The following PTPRN2 variants were observed in gnomAD, a reference collection of about 807,000 sequenced individuals.
The protein encoded by PTPRN2 is receptor-type tyrosine-protein phosphatase N2.
A neutral mutation model predicts 118.8 loss-of-function variants in PTPRN2; 74 were observed. The observed-to-expected ratio is 0.62, with a 90% confidence interval of 0.52 to 0.76. The LOEUF (loss-of-function observed/expected upper bound fraction) is 0.76. PTPRN2 is among the 30% of genes least tolerant of loss of function. The probability of loss-of-function intolerance (pLI) is 0.00; values close to 1 mark genes in which losing one functional copy is unlikely to be tolerated. For missense variants in PTPRN2, 1,481 were observed against 1,394.4 expected, an observed-to-expected ratio of 1.06 and a Z score of -0.99; for synonymous variants, 641 against 608.0, an observed-to-expected ratio of 1.05 and a Z score of -0.80.
rs192703150 is a variant in PTPRN2 at position 157,653,370 on chromosome 7, C to T, written c.2196+2987G>A. Among the ~76,000 whole-genome samples, 11 of 152,242 alleles carry T rather than the reference C, an allele frequency of 7.2e-5. No individual in the cohort carries two copies. The South Asian group carries it at 1.7e-3, about 23-fold the overall frequency. On this transcript the variant is annotated intron_variant, in intron 14 of 22. Coordinates refer to ENST00000389418, the MANE Select transcript of PTPRN2 (RefSeq NM_002847.5). ...GGTGTCTGGCGGAAACGAGGCTTTG[C>T]GCACAGAGGGCTGGGCTGCTGGATC...
At chr7:157,646,230 A>T (rs1025264043) in intron 14 of PTPRN2, among the ~76,000 whole-genome samples, 21 of 152,132 alleles carry the variant, frequency 1.4e-4, no homozygotes, top group African/African-American at 4.1e-4. Flanking sequence ...GCCTGGTGGG[A>T]AGTGGCTGGG....
At chr7:158,131,128 GCACATACA>G (rs201533260) in intron 9 of PTPRN2, among the ~76,000 whole-genome samples, 64 of 104,348 alleles carry the variant, frequency 6.1e-4, no homozygotes, top group African/African-American at 2.8e-3. Flanking sequence ...ACACTCATAC[GCACATACA>G]CACATACACA....
chr7:158,238,308 C>T (rs907386970), intron 3 of PTPRN2, among the ~76,000 whole-genome samples: 2 of 152,038 alleles, frequency 1.3e-5, no homozygotes, highest in Non-Finnish European at 2.9e-5. Context: ...AACCGTCCTC[C>T]CCTCCCTCCT....
intron 11 of PTPRN2, among the ~76,000 whole-genome samples, chr7:158,010,192 G>A (rs559488418): frequency 6.6e-6 from 1 of 152,182 alleles, no homozygotes; most frequent in South Asian, 2.1e-4. Context: ...CGGGAGGACG[G>A]AGTTCATTTT....
At position 158,138,487 on chromosome 7, in the gene PTPRN2, G is replaced by T. The variant is rs758349268; in HGVS notation, c.939C>A (p.Asp313Glu). Residue 313 changes from aspartate to glutamate, a missense_variant, in exon 7 of 23, where the codon GAC becomes GAA. Asp to Glu is a conservative substitution (Grantham distance 45, BLOSUM62 2). Around this residue, in one of 3 missense-constraint regions of PTPRN2, gnomAD observed 1,115 missense variants for 994.2 expected, o/e 1.12. Coordinates refer to ENST00000389418, the MANE Select transcript of PTPRN2 (RefSeq NM_002847.5). The part of the protein sequence containing the change: ...DGARIHTLLK[D>E]LQRQPAEVRG... Reference sequence around the variant, plus strand: ...TCACCTCAGCCGGCTGCCTCTGCAGGTCCTTCAGGAGGGTATGAATCCGTG... The same window carrying T: ...TCACCTCAGCCGGCTGCCTCTGCAGTTCCTTCAGGAGGGTATGAATCCGTG... 5 of 1,612,706 alleles carry T rather than the reference G, an allele frequency of 3.1e-6. No individual in the cohort carries two copies. In the South Asian group the frequency reaches 3.3e-5, roughly 11 times the overall value.
chr7:157,952,741 C>T (rs1402668839), intron 11 of PTPRN2, among the ~76,000 whole-genome samples: 7 of 152,094 alleles, frequency 4.6e-5, no homozygotes, highest in East Asian at 3.9e-4. Flanking sequence ...GGTAGGTGTG[C>T]ACAGGCCTGC....
chr7:157,927,065 C>T lies in PTPRN2; in HGVS notation c.1724-28328G>A, dbSNP rs867496662. On this transcript the variant is annotated intron_variant, in intron 11 of 22. Transcript: ENST00000389418. The stretch of plus-strand genomic sequence containing the variant: ...GGGACCCGTCTGAGAGCAGAGGCCT[C>T]GCATCTTCTGGGACCCCGAAGACAG... Among the ~76,000 whole-genome samples the T allele has an allele frequency of 1.8e-4, 23 of 126,724 alleles. 1 individual carries two copies. The Middle Eastern group carries it at 0.015, about 83-fold the overall frequency. 83.1% of individuals were successfully genotyped at this position (126,724 alleles called of 152,430 possible). A position where few individuals can be genotyped will look rare whatever the true frequency, so the allele number is the denominator to read the frequency against.
At chr7:157,862,200 C>T (rs746082851) in intron 12 of PTPRN2, among the ~76,000 whole-genome samples, 8 of 152,260 alleles carry the variant, frequency 5.3e-5, no homozygotes, top group African/African-American at 9.6e-5. Flanking sequence ...ACGGTGCCTC[C>T]TTCACCAAGC....
intron 13 of PTPRN2, among the ~76,000 whole-genome samples, chr7:157,670,131 G>A (rs1487036623): frequency 2.0e-5 from 3 of 152,162 alleles, no homozygotes; most frequent in South Asian, 2.1e-4. Flanking sequence ...CCCGCCGGCC[G>A]ACAGCTGCGG....
chr7:158,058,439 G>C (rs866347282), intron 11 of PTPRN2, among the ~76,000 whole-genome samples: 25 of 99,622 alleles, frequency 2.5e-4, no homozygotes, highest in African/African-American at 6.7e-4. Flanking sequence ...CCCACGGTGA[G>C]ACATCACTGC....
chr7:157,832,149 C>T (rs1172248342), intron 12 of PTPRN2, among the ~76,000 whole-genome samples: 4 of 152,302 alleles, frequency 2.6e-5, no homozygotes, highest in Non-Finnish European at 4.4e-5. Flanking sequence ...GCTGCTCAGC[C>T]GGTCTCACAG....
At chr7:157,938,754 C>A (rs531443953) in intron 11 of PTPRN2, among the ~76,000 whole-genome samples, 2 of 152,304 alleles carry the variant, frequency 1.3e-5, no homozygotes, top group South Asian at 4.1e-4. Context: ...GTACACTAAG[C>A]ATGATTGTTT....
intron 12 of PTPRN2, among the ~76,000 whole-genome samples, chr7:157,768,618 T>C (rs1802624793): frequency 6.6e-6 from 1 of 152,214 alleles, no homozygotes; most frequent in African/African-American, 2.4e-5. Context: ...CAGATGTTTC[T>C]GTTCAGAAAC....
chr7:158,506,847 G>A (rs1253161348), intron 1 of PTPRN2, among the ~76,000 whole-genome samples: 1 of 152,180 alleles, frequency 6.6e-6, no homozygotes, highest in East Asian at 1.9e-4. Flanking sequence ...ACCTGGGCCA[G>A]CCCGATGGTT....
intron 10 of PTPRN2, among the ~76,000 whole-genome samples, chr7:158,106,877 C>A (rs554581199): frequency 4.6e-5 from 7 of 152,158 alleles, no homozygotes; most frequent in Non-Finnish European, 7.3e-5. Context: ...ACCAGATTAT[C>A]TAATTCTCCT....
intron 11 of PTPRN2, among the ~76,000 whole-genome samples, chr7:157,996,462 A>C (rs1804750814): frequency 6.6e-6 from 1 of 152,252 alleles, no homozygotes; most frequent in African/African-American, 2.4e-5. Flanking sequence ...GGTCAGATAG[A>C]TCTTTGCTTT....
chr7:158,423,788 G>A (rs1815466759), intron 2 of PTPRN2, among the ~76,000 whole-genome samples: 1 of 152,100 alleles, frequency 6.6e-6, no homozygotes, highest in Admixed American at 6.5e-5. Context: ...TGGGATTACA[G>A]GCATGAGCCA....
At chr7:158,332,850 C>T (rs1451045488) in intron 2 of PTPRN2, among the ~76,000 whole-genome samples, 7 of 146,810 alleles carry the variant, frequency 4.8e-5, no homozygotes, top group African/African-American at 7.9e-5. Context: ...CACATGCAAA[C>T]GTCACTCACA....
At chr7:157,751,814 A>C (rs894601636) in intron 12 of PTPRN2, among the ~76,000 whole-genome samples, 1 of 150,320 alleles carries the variant, frequency 6.7e-6, no homozygotes, top group Non-Finnish European at 1.5e-5. Flanking sequence ...ATGAGGAAAC[A>C]CATCTAACAC....
Sources: allele counts gnomAD v4.1 joint callset (sites outside exome capture counted in the v4.1 genomes callset), GRCh38; gene constraint gnomAD v4.1.1; regional missense constraint gnomAD v4.1.1; transcripts MANE v1.5; gene names NCBI Gene and HGNC (gene_info 2026-07-23, HGNC 2026-07-21).